Variants in TEX11 observed in about 807,000 individuals in gnomAD.
TEX11 encodes testis-expressed protein 11.
In TEX11, 7 loss-of-function variants were observed where a neutral mutation model predicts 84.4. The ratio of observed to expected loss-of-function variants is 0.08; its 90% confidence interval spans 0.05 to 0.16. The LOEUF (loss-of-function observed/expected upper bound fraction) is 0.16, where lower values mean the gene tolerates loss of function less well. Ranked by LOEUF, TEX11 falls within the 10% of genes least tolerant of loss-of-function variation. The pLI, the probability that TEX11 is intolerant of heterozygous loss-of-function variation, is 1.00. For missense variants in TEX11, 551 were observed against 660.5 expected (o/e 0.83, Z 1.82); for synonymous variants, 264 against 222.8 (o/e 1.18, Z -1.64).
At chrX:70,687,928 A>G (rs1466676373) in intron 13 of TEX11, among the ~76,000 whole-genome samples, 1 of 110,710 alleles carries the variant, frequency 9.0e-6, no homozygotes, top group Non-Finnish European at 1.9e-5. Flanking sequence ...ATAAAAAAGT[A>G]GAAATTACCT....
At chrX:70,523,604 C>T in the TEX11 span, among the ~76,000 whole-genome samples, 19 of 110,122 alleles carry the variant, frequency 1.7e-4, no homozygotes, top group Admixed American at 6.8e-4. Context: ...GCTGGGACTA[C>T]AGGCACCCAC....
intron 2 of TEX11, among the ~76,000 whole-genome samples, chrX:70,907,342 A>C (rs2091839152): frequency 8.9e-6 from 1 of 112,103 alleles, no homozygotes; most frequent in African/African-American, 3.2e-5. Context: ...TTTCTGGTAC[A>C]TAAATGAGAA....
At chrX:70,654,253 G>A (rs2089838931) in intron 16 of TEX11, among the ~76,000 whole-genome samples, 1 of 111,451 alleles carries the variant, frequency 9.0e-6, no homozygotes, top group African/African-American at 3.3e-5. Context: ...TTAATGACAG[G>A]GGAAACAGTA....
chrX:70,665,374 T>C (rs2089967915), intron 16 of TEX11, among the ~76,000 whole-genome samples: 1 of 111,726 alleles, frequency 9.0e-6, no homozygotes. Flanking sequence ...GCTCATTTCC[T>C]TCATCCTTAA....
intron 21 of TEX11, among the ~76,000 whole-genome samples, chrX:70,610,197 AG>A (rs1371907403): frequency 2.9e-5 from 2 of 68,343 alleles, no homozygotes; most frequent in Admixed American, 4.3e-4. Flanking sequence ...GAAAGAAGGA[AG>A]GAAGGAAGGA....
chrX:70,888,094 G>A (rs902724849), intron 2 of TEX11, among the ~76,000 whole-genome samples: 1 of 112,835 alleles, frequency 8.9e-6, no homozygotes, highest in African/African-American at 3.2e-5. Context: ...GCCTTCCAAA[G>A]AAGGACAGGT....
At chrX:70,586,506 A>C (rs749733381) in intron 25 of TEX11, among the ~76,000 whole-genome samples, 25 of 111,940 alleles carry the variant, frequency 2.2e-4, no homozygotes, top group Non-Finnish European at 4.5e-4. Context: ...TGGGCAAAGA[A>C]CTTGAATAGA....
intron 28 of TEX11, among the ~76,000 whole-genome samples, chrX:70,532,148 T>C (rs2087896060): frequency 8.9e-6 from 1 of 112,069 alleles, no homozygotes; most frequent in Non-Finnish European, 1.9e-5. Context: ...TGGAGCATTA[T>C]AATGCACACT....
intron 17 of TEX11, among the ~76,000 whole-genome samples, chrX:70,640,756 G>A (rs2089645837): frequency 9.1e-6 from 1 of 109,942 alleles, no homozygotes; most frequent in African/African-American, 3.3e-5. Context: ...CCCTAAAAGA[G>A]CTCCTGAAGG....
At chrX:70,715,084 T>A (rs2147707200) in intron 13 of TEX11, among the ~76,000 whole-genome samples, 1 of 111,774 alleles carries the variant, frequency 8.9e-6, no homozygotes, top group South Asian at 3.8e-4. Context: ...AATTCTGGGT[T>A]GAAAATTCTT....
chrX:70,829,335 A>G (rs1417178747), intron 8 of TEX11, among the ~76,000 whole-genome samples: 1 of 110,085 alleles, frequency 9.1e-6, no homozygotes, highest in Non-Finnish European at 1.9e-5. Flanking sequence ...TACAAAAATT[A>G]TCCGGGTGTG....
At chrX:70,883,478 C>T (rs2091693556) in intron 2 of TEX11, among the ~76,000 whole-genome samples, 1 of 110,545 alleles carries the variant, frequency 9.0e-6, no homozygotes, top group Non-Finnish European at 1.9e-5. Flanking sequence ...CCCAGCTACT[C>T]GGGTGGTTGA....
At chrX:70,871,535 A>G in intron 4 of TEX11, among the ~76,000 whole-genome samples, 1 of 112,334 alleles carries the variant, frequency 8.9e-6, no homozygotes, top group Non-Finnish European at 1.9e-5. Flanking sequence ...AGGCACACTA[A>G]ATTTGTTTTT....
chrX:70,733,991 C>A (rs1359722654), intron 11 of TEX11, among the ~76,000 whole-genome samples: 1 of 111,336 alleles, frequency 9.0e-6, no homozygotes, highest in Non-Finnish European at 1.9e-5. Flanking sequence ...ATGATGAGTT[C>A]ATGTCCCTTG....
chrX:70,548,982 T>C (rs1310500857), intron 28 of TEX11, among the ~76,000 whole-genome samples: 2 of 110,849 alleles, frequency 1.8e-5, no homozygotes, highest in African/African-American at 3.3e-5. Context: ...GCAGTGCAGT[T>C]TGCAGCTCCA....
chrX:70,845,637 G>A (rs2091475233), intron 7 of TEX11, among the ~76,000 whole-genome samples: 1 of 110,001 alleles, frequency 9.1e-6, no homozygotes, highest in South Asian at 4.0e-4. Context: ...AGACCCGCCT[G>A]GCCAACATGG....
chrX:70,817,362 C>T (rs186580728), intron 8 of TEX11, among the ~76,000 whole-genome samples: 210 of 110,192 alleles, frequency 1.9e-3, no homozygotes, highest in African/African-American at 6.6e-3. Flanking sequence ...ATGCCCAGAT[C>T]TTGGCTTCTA....
At chrX:70,711,183 T>G (rs756762006) in intron 13 of TEX11, among the ~76,000 whole-genome samples, 15 of 111,731 alleles carry the variant, frequency 1.3e-4, no homozygotes, top group African/African-American at 4.9e-4. Context: ...TAATCCAGTC[T>G]ATCATTGATG....
At chrX:70,759,181 T>C (rs767442846) in intron 9 of TEX11, among the ~76,000 whole-genome samples, 1 of 111,468 alleles carries the variant, frequency 9.0e-6, no homozygotes, top group South Asian at 3.8e-4. Context: ...CCAAATTCTA[T>C]CAGAGGTACA....
Sources: allele counts gnomAD v4.1 joint callset (sites outside exome capture counted in the v4.1 genomes callset), GRCh38; gene constraint gnomAD v4.1.1; transcripts MANE v1.5; gene names NCBI Gene and HGNC (gene_info 2026-07-23, HGNC 2026-07-21).